CAMKMT: variants seen among roughly 807,000 people sequenced by gnomAD.
CAMKMT encodes calmodulin-lysine N-methyltransferase, also known as CaM KMT.
A neutral mutation model predicts 48.0 loss-of-function variants in CAMKMT; 53 were observed. That is an observed-to-expected ratio of 1.10 (90% CI 0.89 to 1.39). CAMKMT has a LOEUF of 1.39. CAMKMT is among the 40% of genes most tolerant of loss of function. The pLI, the probability that CAMKMT is intolerant of heterozygous loss-of-function variation, is 0.00. For synonymous variants in CAMKMT, 165 were observed against 152.3 expected, an observed-to-expected ratio of 1.08 and a Z score of -0.61; for missense variants, 428 against 402.7, an observed-to-expected ratio of 1.06 and a Z score of -0.54.
chr2:44,743,777 G>A (rs966568002), intron 8 of CAMKMT, 81 bp downstream of exon 8: 68 of 1,040,216 alleles, frequency 6.5e-5, no homozygotes, highest in South Asian at 2.9e-5. Flanking sequence ...CTTAGCTGAC[G>A]GCTAAGCAAA....
intron 3 of CAMKMT, among the ~76,000 whole-genome samples, chr2:44,462,663 A>T (rs939158849): frequency 2.0e-5 from 3 of 152,132 alleles, no homozygotes; most frequent in Admixed American, 6.5e-5. Flanking sequence ...GACAGTTTAA[A>T]ATTATACAAA....
At chr2:44,598,577 T>C (rs1181477472) in intron 3 of CAMKMT, among the ~76,000 whole-genome samples, 1 of 150,990 alleles carries the variant, frequency 6.6e-6, no homozygotes, top group East Asian at 1.9e-4. Context: ...ACTTTTAGTC[T>C]ATGAAACCTA....
At chr2:44,708,488 C>T (rs1001334997) in intron 6 of CAMKMT, among the ~76,000 whole-genome samples, 4 of 151,710 alleles carry the variant, frequency 2.6e-5, no homozygotes, top group African/African-American at 4.8e-5. Context: ...TCTACAGAGC[C>T]CCACCCAGCT....
intron 3 of CAMKMT, among the ~76,000 whole-genome samples, chr2:44,611,649 T>C (rs1470771572): frequency 6.6e-6 from 1 of 152,076 alleles, no homozygotes; most frequent in African/African-American, 2.4e-5. Flanking sequence ...TAGGCCATTT[T>C]TGCACTTCTA....
At chr2:44,622,025 G>C (rs1349003106) in intron 3 of CAMKMT, among the ~76,000 whole-genome samples, 2 of 152,162 alleles carry the variant, frequency 1.3e-5, no homozygotes, top group African/African-American at 2.4e-5. Context: ...TAAGAATCAA[G>C]TATAACTTCT....
chr2:44,626,246 C>T lies in CAMKMT; in HGVS notation c.377-78037C>T, dbSNP rs775760777. On this transcript the variant is annotated intron_variant, in intron 3 of 10. Coordinates refer to ENST00000378494, the MANE Select transcript of CAMKMT (RefSeq NM_024766.5). ...GTGAACAGATCTTGTACACCCACTC[C>T]GATGTGCATAATTATTCCTATTATT... Among the ~76,000 whole-genome samples the T allele has an allele frequency of 3.9e-5, 6 of 152,086 alleles. No individual in the cohort carries two copies. In the South Asian group the frequency reaches 6.2e-4, roughly 16 times the overall value.
At chr2:44,362,290 T>A in intron 1 of CAMKMT, 145 bp downstream of exon 1, 2 of 664,194 alleles carry the variant, frequency 3.0e-6, no homozygotes, top group Non-Finnish European at 4.6e-6. Context: ...AAGCTCCCCC[T>A]CGCTTCACCT....
intron 3 of CAMKMT, among the ~76,000 whole-genome samples, chr2:44,394,320 A>T (rs1430819646): frequency 1.3e-5 from 2 of 151,996 alleles, no homozygotes; most frequent in Non-Finnish European, 2.9e-5. Flanking sequence ...ACCCTGTGGT[A>T]GTTGGTGTCA....
intron 3 of CAMKMT, among the ~76,000 whole-genome samples, chr2:44,566,900 G>A (rs189093452): frequency 3.3e-5 from 5 of 152,252 alleles, no homozygotes; most frequent in Non-Finnish European, 4.4e-5. Context: ...GTGTTTTTGC[G>A]GAGTTGGGCT....
chr2:44,743,484 T>A (rs945065284), intron 7 of CAMKMT, 138 bp from the exon 8 acceptor site: 23 of 605,702 alleles, frequency 3.8e-5, no homozygotes, highest in Non-Finnish European at 5.8e-5. Context: ...ACATCCTATT[T>A]TTTATTATAC....
intron 3 of CAMKMT, among the ~76,000 whole-genome samples, chr2:44,658,176 T>TA (rs1312614553): frequency 2.0e-5 from 3 of 152,222 alleles, no homozygotes; most frequent in African/African-American, 7.2e-5. Flanking sequence ...AGGGTGATTC[T>TA]ACACGTAGGA....
chr2:44,585,099 G>A (rs969651080), intron 3 of CAMKMT, among the ~76,000 whole-genome samples: 1 of 151,932 alleles, frequency 6.6e-6, no homozygotes, highest in African/African-American at 2.4e-5. Flanking sequence ...AACCAAAGTA[G>A]TTTTAGTGCC....
At chr2:44,491,220 A>G (rs193043996) in intron 3 of CAMKMT, among the ~76,000 whole-genome samples, 92 of 151,538 alleles carry the variant, frequency 6.1e-4, no homozygotes, top group South Asian at 2.3e-3. Flanking sequence ...AGCTATTTCT[A>G]TGTTTTTGAG....
intron 3 of CAMKMT, among the ~76,000 whole-genome samples, chr2:44,547,674 T>C (rs1667479597): frequency 6.6e-6 from 1 of 152,108 alleles, no homozygotes; most frequent in Non-Finnish European, 1.5e-5. Flanking sequence ...ATACCCAGGT[T>C]CAAATGCCAT....
At chr2:44,475,492 T>A (rs786414) in intron 3 of CAMKMT, among the ~76,000 whole-genome samples, 116,995 of 151,792 alleles carry the variant, frequency 0.77, 45,186 homozygotes, top group South Asian at 0.88. Flanking sequence ...TAATTTTTGT[T>A]GTTTTAGTAG....
At chr2:44,477,369 T>G (rs1238995806) in intron 3 of CAMKMT, among the ~76,000 whole-genome samples, 1 of 152,196 alleles carries the variant, frequency 6.6e-6, no homozygotes. Flanking sequence ...TACAATGATA[T>G]TTATATACAA....
chr2:44,686,666 T>G (rs1676357282), intron 3 of CAMKMT, among the ~76,000 whole-genome samples: 1 of 152,218 alleles, frequency 6.6e-6, no homozygotes. Flanking sequence ...AAGCCCTCAG[T>G]GCTACATTTA....
At chr2:44,734,808 A>G (rs771571743) in intron 7 of CAMKMT, among the ~76,000 whole-genome samples, 5 of 152,222 alleles carry the variant, frequency 3.3e-5, no homozygotes, top group Non-Finnish European at 5.9e-5. Flanking sequence ...GGTCTATTTG[A>G]AAAGAACATC....
intron 9 of CAMKMT, among the ~76,000 whole-genome samples, chr2:44,757,795 C>T (rs1282060802): frequency 6.6e-6 from 1 of 152,138 alleles, no homozygotes; most frequent in Non-Finnish European, 1.5e-5. Flanking sequence ...AACTCCTGAC[C>T]TCGTGATCCA....
Sources: allele counts gnomAD v4.1 joint callset (sites outside exome capture counted in the v4.1 genomes callset), GRCh38; gene constraint gnomAD v4.1.1; transcripts MANE v1.5; gene names NCBI Gene and HGNC (gene_info 2026-07-23, HGNC 2026-07-21).